Variants in PRUNE2 observed in about 807,000 individuals in gnomAD.
The protein encoded by PRUNE2 is prune homolog 2 with BCH domain.
PRUNE2 carries 164 observed loss-of-function variants against 252.0 expected under a neutral mutation model. The ratio of observed to expected loss-of-function variants is 0.65; its 90% CI spans 0.57 to 0.74. The LOEUF (loss-of-function observed/expected upper bound fraction) is 0.74, where lower values mean the gene tolerates loss of function less well. PRUNE2 is among the 30% of genes least tolerant of loss of function. The pLI is 0.00. For missense variants in PRUNE2, 3,495 were observed against 3,711.0 expected, an observed-to-expected ratio of 0.94 and a Z score of 1.51; for synonymous variants, 1,292 against 1,350.2, an observed-to-expected ratio of 0.96 and a Z score of 0.94.
chr9:76,828,998 C>T (rs2058508095), intron 4 of PRUNE2, among the ~76,000 whole-genome samples: 1 of 120,766 alleles, frequency 8.3e-6, no homozygotes, highest in African/African-American at 3.3e-5. Flanking sequence ...GCCTAGGAGA[C>T]AGAGTCTCAC....
intron 6 of PRUNE2, among the ~76,000 whole-genome samples, chr9:76,761,840 T>A (rs998978152): frequency 1.3e-5 from 2 of 152,218 alleles, no homozygotes; most frequent in African/African-American, 4.8e-5. Flanking sequence ...TGAGATAGAT[T>A]ATTTATAGCT....
chr9:76,839,077 T>A (rs906183635), intron 4 of PRUNE2, among the ~76,000 whole-genome samples: 4 of 152,204 alleles, frequency 2.6e-5, no homozygotes, highest in South Asian at 2.1e-4. Context: ...TGTTTTTTTT[T>A]AAACTAGAAG....
At position 76,789,293 on chromosome 9, in the gene PRUNE2, T is replaced by C. The variant is rs550536450; in HGVS notation, c.756+34339A>G. ...ACATCATGACTCTTTGATGTAACCA[T>C]AGCAATCACTATTATTCCCATTTTA... On this transcript the variant is annotated intron_variant, in intron 6 of 18. Coordinates refer to ENST00000376718, the MANE Select transcript of PRUNE2 (RefSeq NM_015225.3). 2.6e-5 allele frequency among the ~76,000 whole-genome samples: 4 copies of C among 152,284 alleles called. No homozygotes were observed. In the South Asian group the frequency reaches 6.2e-4, roughly 24 times the overall value.
At chr9:76,834,627 A>C (rs1314909261) in intron 4 of PRUNE2, among the ~76,000 whole-genome samples, 1 of 152,224 alleles carries the variant, frequency 6.6e-6, no homozygotes, top group Non-Finnish European at 1.5e-5. Flanking sequence ...ACAGAGACCT[A>C]TGGAATAATT....
chr9:76,799,673 C>G (rs144303931), intron 6 of PRUNE2, among the ~76,000 whole-genome samples: 1 of 152,188 alleles, frequency 6.6e-6, no homozygotes, highest in African/African-American at 2.4e-5. Context: ...GTTGTCAGGG[C>G]AATAAAATTT....
At position 76,710,907 on chromosome 9, in the gene PRUNE2, G is replaced by A. The variant is rs1348639407; in HGVS notation, c.1367C>T (p.Ala456Val). The change falls in exon 8 of 19, where the codon GCT becomes GTT. Residue 456 changes from alanine (A) to valine (V), a missense_variant. Ala to Val is a moderately conservative substitution (Grantham distance 64). Transcript: ENST00000376718. ...TGGGAGAAGGGTGTGGTGAGGCCCAGCACCTTCTCCCACGGGGCTGTCGTC... is the reference window on the plus strand; with the variant it reads ...TGGGAGAAGGGTGTGGTGAGGCCCAACACCTTCTCCCACGGGGCTGTCGTC... ...LSDDSPVGEG[A>V]GPHHTLLPGL... 2 of 1,558,202 alleles carry A rather than the reference G, an allele frequency of 1.3e-6. No individual in the cohort carries two copies. Among genetic ancestry groups the A allele is most frequent in the Admixed American group, 1.9e-5 (1 of 53,860 alleles).
chr9:76,905,607 G>A (rs1313642026), intron 1 of PRUNE2, among the ~76,000 whole-genome samples: 1 of 152,152 alleles, frequency 6.6e-6, no homozygotes, highest in African/African-American at 2.4e-5. Flanking sequence ...TCTCAAGGAA[G>A]ACCACACCCA....
intron 16 of PRUNE2, among the ~76,000 whole-genome samples, chr9:76,625,218 A>G (rs1300128451): frequency 1.3e-5 from 2 of 152,216 alleles, no homozygotes; most frequent in African/African-American, 4.8e-5. Flanking sequence ...TGGACCACAT[A>G]TATGGTAGTG....
chr9:76,706,612 TA>T lies in PRUNE2; in HGVS notation c.5661del (p.Phe1887LeufsTer40), dbSNP rs1192788239. ...AGAAAGGGTGACTGATGGTTGTCAC[TA>T]AAAGGATTAGTATAGTGTGTTTCCA... ...EPVETHYTNPFSDNHQSPFLE... is the reference protein window; with the variant it reads ...EPVETHYTNPXSDNHQSPFLE... On this transcript the variant is annotated frameshift_variant, in exon 8 of 19. Coordinates refer to ENST00000376718, the MANE Select transcript of PRUNE2 (RefSeq NM_015225.3). LOFTEE classifies it high-confidence loss of function. 1 of 1,613,968 alleles carries T rather than the reference TA, an allele frequency of 6.2e-7. No homozygotes were observed.
At chr9:76,681,051 A>AT (rs1163457550) in intron 9 of PRUNE2, among the ~76,000 whole-genome samples, 1 of 152,204 alleles carries the variant, frequency 6.6e-6, no homozygotes, top group Admixed American at 6.5e-5. Flanking sequence ...AAAATGTGGT[A>AT]TATGCATACA....
chr9:76,850,485 C>T lies in PRUNE2; in HGVS notation c.322G>A (p.Val108Ile). ...TACCTCGCCAGCACACTGCTGCCAA[C>T]AAGTGTTATCGATAACTTCCCTTCA... ...NDEGKLSITL[V>I]GSSVLASEDK... The change falls in exon 3 of 19, where the codon GTT (valine) becomes ATT (isoleucine). Residue 108 changes from valine (V) to isoleucine (I), a missense_variant. By Grantham distance (29) the Val-to-Ile change is conservative. Coordinates refer to ENST00000376718, the MANE Select transcript of PRUNE2 (RefSeq NM_015225.3). 1.2e-6 allele frequency: 2 copies of T among 1,614,062 alleles called. No homozygotes were observed. The highest frequency in any genetic ancestry group is 1.7e-6 in the Non-Finnish European group (2 of 1,179,902).
chr9:76,731,312 A>ATCTACC (rs1484214876), intron 6 of PRUNE2, among the ~76,000 whole-genome samples: 1 of 104,130 alleles, frequency 9.6e-6, no homozygotes, highest in African/African-American at 4.8e-5. Context: ...CTATCTATCT[A>ATCTACC]TATATATATA....
chr9:76,789,656 G>A (rs868255925), intron 6 of PRUNE2, among the ~76,000 whole-genome samples: 12 of 152,222 alleles, frequency 7.9e-5, no homozygotes, highest in African/African-American at 2.4e-4. Context: ...AAGCATCCCC[G>A]CAAGGTTTCC....
intron 7 of PRUNE2, among the ~76,000 whole-genome samples, chr9:76,713,134 A>G (rs548245386): frequency 1.1e-4 from 16 of 151,292 alleles, no homozygotes; most frequent in Admixed American, 3.3e-4. Context: ...AACCTGGAGG[A>G]TAACTGATTA....
chr9:76,661,337 G>C (rs1334145195), intron 9 of PRUNE2, among the ~76,000 whole-genome samples: 1 of 152,146 alleles, frequency 6.6e-6, no homozygotes, highest in African/African-American at 2.4e-5. Flanking sequence ...CCACCTCCTG[G>C]GTTTAAGCGA....
rs769638966 is a variant in PRUNE2, at chr9:76,711,147, G to A, written c.1127C>T (p.Ala376Val). Residue 376 changes from alanine to valine, a missense_variant, in exon 8 of 19, where the codon GCC becomes GTC. Coordinates refer to ENST00000376718, the MANE Select transcript of PRUNE2 (RefSeq NM_015225.3). ...CCCAGAAGACCCCTGGGAGAGGGGG[G>A]CACTGCCTGCCACGGCTTCTGTTGA... Reference protein sequence around the residue: ...TSSTEAVAGSAPLSQGSSGIM... With the variant: ...TSSTEAVAGSVPLSQGSSGIM... The A allele has an allele frequency of 3.1e-6, 5 of 1,613,784 alleles. No individual in the cohort carries two copies. Among genetic ancestry groups the A allele is most frequent in the Non-Finnish European group, 4.2e-6 (5 of 1,179,848 alleles).
At chr9:76,731,077 G>A (rs768772988) in intron 6 of PRUNE2, among the ~76,000 whole-genome samples, 4 of 152,162 alleles carry the variant, frequency 2.6e-5, no homozygotes, top group Non-Finnish European at 5.9e-5. Flanking sequence ...CAACAGAAGA[G>A]TGGCTTGCTG....
At chr9:76,890,377 C>G (rs2062396876) in intron 1 of PRUNE2, among the ~76,000 whole-genome samples, 1 of 152,128 alleles carries the variant, frequency 6.6e-6, no homozygotes, top group African/African-American at 2.4e-5. Context: ...GAGAGGAGAC[C>G]CAGCATGGGA....
intron 9 of PRUNE2, among the ~76,000 whole-genome samples, chr9:76,680,323 T>C (rs1766249706): frequency 6.6e-6 from 1 of 152,162 alleles, no homozygotes; most frequent in Admixed American, 6.5e-5. Flanking sequence ...TTCATACTCA[T>C]TAGGATGGCT....
Sources: gnomAD v4.1 joint callset for allele counts (sites outside exome capture counted in the v4.1 genomes callset) on GRCh38, gnomAD v4.1.1 for gene constraint, MANE v1.5 for transcripts, NCBI Gene and HGNC (gene_info 2026-07-23, HGNC 2026-07-21) for gene names.